Variants in SLC31A1 observed in about 807,000 individuals in gnomAD.
SLC31A1 encodes the protein high affinity copper uptake protein 1.
A neutral mutation model predicts 17.2 loss-of-function variants in SLC31A1; 5 were observed. The observed-to-expected ratio is 0.29, with a 90% CI of 0.15 to 0.61. The LOEUF is 0.61. Ranked by LOEUF, SLC31A1 falls within the 20% of genes least tolerant of loss-of-function variation. SLC31A1 has a pLI of 0.86. For synonymous variants in SLC31A1, 76 were observed against 78.8 expected, an observed-to-expected ratio of 0.96 and a Z score of 0.19; for missense variants, 161 against 241.4, an observed-to-expected ratio of 0.67 and a Z score of 2.21.
chr9:113,260,610 C>T lies in SLC31A1; in HGVS notation c.*137C>T. On this transcript the variant is annotated 3_prime_UTR_variant, in exon 5 of 5. Coordinates refer to ENST00000374212, the MANE Select transcript of SLC31A1 (RefSeq NM_001859.4). Reference sequence around the variant, plus strand: ...ACACACACACACACACACACACACACACCCCTGCTCAACAGAGGTTTAGTT... The same window carrying T: ...ACACACACACACACACACACACACATACCCCTGCTCAACAGAGGTTTAGTT... The T allele has an allele frequency of 1.4e-6, 1 of 737,792 alleles. No individual in the cohort carries two copies. 45.7% of individuals were successfully genotyped at this position (737,792 alleles called of 1,614,324 possible). A position where few individuals can be genotyped will look rare whatever the true frequency, so the allele number is the denominator to read the frequency against.
rs1425427111 is a variant in SLC31A1 at position 113,261,894 on chromosome 9, G to A, written c.*1421G>A. The A allele has an allele frequency of 4.6e-5, 7 of 152,640 alleles. No homozygotes were observed. The highest frequency in any genetic ancestry group is 7.3e-5 in the Non-Finnish European group (5 of 68,040). 9.5% of individuals were successfully genotyped at this position (152,640 alleles called of 1,614,324 possible). On this transcript the variant is annotated 3_prime_UTR_variant, in exon 5 of 5. Transcript: ENST00000374212. The stretch of plus-strand genomic sequence containing the variant: ...GATGGTGTGTCTGGACTTAACTCAC[G>A]TAGTAAATACTGCTGATCAATACCT...
At chr9:113,254,727 C>T (rs1831701567) in intron 1 of SLC31A1, among the ~76,000 whole-genome samples, 1 of 152,090 alleles carries the variant, frequency 6.6e-6, no homozygotes, top group South Asian at 2.1e-4. Flanking sequence ...GGTGAAACCC[C>T]ATCTCTACTA....
Position 113,256,262 on chromosome 9 carries a change from C to T in SLC31A1, c.114C>T (p.Ser38=). Reference sequence around the variant, plus strand: ...CACACTCCCATGGTGGAGGAGACAGCAGCATGATGATGATGGTGAGTGCCA... The same window carrying T: ...CACACTCCCATGGTGGAGGAGACAGTAGCATGATGATGATGGTGAGTGCCA... ...SASHSHGGGD[S]SMMMMPMTFY... The change falls in exon 2 of 5, where the codon AGC becomes AGT. Residue 38 remains serine (S), a synonymous_variant. Coordinates refer to ENST00000374212, the MANE Select transcript of SLC31A1 (RefSeq NM_001859.4). The T allele has an allele frequency of 1.2e-6, 2 of 1,613,984 alleles. No individual in the cohort carries two copies. The highest frequency in any genetic ancestry group is 2.2e-5 in the South Asian group (2 of 91,074).
chr9:113,229,582 C>G (rs1831380701), intron 1 of SLC31A1, among the ~76,000 whole-genome samples: 1 of 152,078 alleles, frequency 6.6e-6, no homozygotes, highest in African/African-American at 2.4e-5. Flanking sequence ...TAATATTTTG[C>G]TATTACAAAC....
At chr9:113,232,458 A>G (rs1351908354) in intron 1 of SLC31A1, among the ~76,000 whole-genome samples, 1 of 152,190 alleles carries the variant, frequency 6.6e-6, no homozygotes, top group Non-Finnish European at 1.5e-5. Flanking sequence ...ACCTGATTCA[A>G]CATAGATAAA....
chr9:113,240,384 G>C (rs1160409699), intron 1 of SLC31A1, among the ~76,000 whole-genome samples: 4 of 152,142 alleles, frequency 2.6e-5, no homozygotes, highest in African/African-American at 9.7e-5. Context: ...TATTCTTCCA[G>C]ATGCTGTAAG....
chr9:113,236,872 A>G (rs560735720), intron 1 of SLC31A1, among the ~76,000 whole-genome samples: 161 of 152,326 alleles, frequency 1.1e-3, no homozygotes, highest in African/African-American at 3.6e-3. Flanking sequence ...CAGCCCACCA[A>G]TTCCCCTTGC....
chr9:113,234,269 T>C (rs4284098), intron 1 of SLC31A1, among the ~76,000 whole-genome samples: 71,249 of 151,410 alleles, frequency 0.47, 17,092 homozygotes, highest in South Asian at 0.59. Flanking sequence ...GGCGTGATCT[T>C]GGCTCACTGC....
rs1831826389 is a variant in SLC31A1, at chr9:113,264,111, T to TA, written c.*3638_*3639insA. 6.6e-6 allele frequency: 1 copy of TA among 152,216 alleles called. No individual in the cohort carries two copies. The highest frequency in any genetic ancestry group is 6.5e-5 in the Admixed American group (1 of 15,270). 9.4% of individuals were successfully genotyped at this position (152,216 alleles called of 1,614,324 possible). On this transcript the variant is annotated 3_prime_UTR_variant, in exon 5 of 5. Coordinates refer to ENST00000374212, the MANE Select transcript of SLC31A1 (RefSeq NM_001859.4). The stretch of plus-strand genomic sequence containing the variant: ...TGCAGATCACCTGAGGTCAGGAGTT[T>TA]GAGACCAGCCTGGCCAATGTGGTGA...
chr9:113,242,691 T>A (rs757804392), intron 1 of SLC31A1, among the ~76,000 whole-genome samples: 1 of 152,198 alleles, frequency 6.6e-6, no homozygotes, highest in Non-Finnish European at 1.5e-5. Flanking sequence ...ATTACAGGCA[T>A]GAGCCACCAT....
intron 1 of SLC31A1, among the ~76,000 whole-genome samples, chr9:113,225,510 A>G (rs1293171573): frequency 6.6e-6 from 1 of 152,224 alleles, no homozygotes; most frequent in Non-Finnish European, 1.5e-5. Context: ...CCCCTAGAAC[A>G]TGAGGTTGTT....
At chr9:113,232,554 A>G (rs1208369163) in intron 1 of SLC31A1, among the ~76,000 whole-genome samples, 1 of 151,998 alleles carries the variant, frequency 6.6e-6, no homozygotes, top group Non-Finnish European at 1.5e-5. Flanking sequence ...AGAGATGGCC[A>G]GGCACGGTGG....
At chr9:113,239,273 A>C (rs1322810992) in intron 1 of SLC31A1, among the ~76,000 whole-genome samples, 1 of 152,092 alleles carries the variant, frequency 6.6e-6, no homozygotes, top group Admixed American at 6.5e-5. Context: ...TGACTTTTAG[A>C]AGCTCTTAAA....
chr9:113,245,727 A>G (rs934084973), intron 1 of SLC31A1, among the ~76,000 whole-genome samples: 2 of 150,706 alleles, frequency 1.3e-5, no homozygotes, highest in Non-Finnish European at 3.0e-5. Flanking sequence ...ACCTCCCAAG[A>G]TCAGGTCGAT....
intron 1 of SLC31A1, among the ~76,000 whole-genome samples, chr9:113,228,540 A>C (rs1208576601): frequency 6.6e-6 from 1 of 152,242 alleles, no homozygotes; most frequent in East Asian, 1.9e-4. Flanking sequence ...GGCCTTTGGA[A>C]GAATGTAGTT....
intron 1 of SLC31A1, among the ~76,000 whole-genome samples, chr9:113,253,958 CT>C (rs397967653): frequency 0.013 from 1,414 of 110,366 alleles, 24 homozygotes; most frequent in African/African-American, 0.041. Flanking sequence ...TACCCACAGT[CT>C]TTTTTTTTTT....
At chr9:113,255,574 G>A (rs999173194) in intron 1 of SLC31A1, among the ~76,000 whole-genome samples, 1 of 152,064 alleles carries the variant, frequency 6.6e-6, no homozygotes, top group Admixed American at 6.6e-5. Flanking sequence ...TTAGCTGAGC[G>A]TGGTAGTGGT....
intron 1 of SLC31A1, among the ~76,000 whole-genome samples, chr9:113,237,379 G>A (rs1831471750): frequency 6.6e-6 from 1 of 152,110 alleles, no homozygotes; most frequent in African/African-American, 2.4e-5. Flanking sequence ...GGTTTACCCG[G>A]AATGTAGAGA....
At chr9:113,238,120 T>A (rs117474534) in intron 1 of SLC31A1, among the ~76,000 whole-genome samples, 1 of 152,304 alleles carries the variant, frequency 6.6e-6, no homozygotes, top group East Asian at 1.9e-4. Context: ...GTTATCTCCA[T>A]GTTTCCATGA....
Sources: gnomAD v4.1 joint callset for allele counts (sites outside exome capture counted in the v4.1 genomes callset) on GRCh38, gnomAD v4.1.1 for gene constraint, MANE v1.5 for transcripts, NCBI Gene and HGNC (gene_info 2026-07-23, HGNC 2026-07-21) for gene names.